SPON2: variants seen among roughly 807,000 people sequenced by gnomAD.
SPON2 encodes spondin-2.
SPON2 carries 32 observed loss-of-function variants against 29.9 expected under a neutral mutation model. That is an observed-to-expected ratio of 1.07 (90% CI 0.81 to 1.44). SPON2 has a LOEUF of 1.44. SPON2 is among the 40% of genes most tolerant of loss of function. SPON2 has a pLI of 0.00. For synonymous variants in SPON2, 248 were observed against 209.1 expected, an observed-to-expected ratio of 1.19 and a Z score of -1.61; for missense variants, 541 against 455.5, an observed-to-expected ratio of 1.19 and a Z score of -1.71.
At chr4:1,188,222 A>G (rs1036173436) in intron 1 of SPON2, among the ~76,000 whole-genome samples, 3 of 151,130 alleles carry the variant, frequency 2.0e-5, no homozygotes, top group Non-Finnish European at 4.4e-5. Context: ...AAAAAAAAAA[A>G]AAAAGAAATG....
chr4:1,194,241 G>A (rs539569650), intron 1 of SPON2, among the ~76,000 whole-genome samples: 9 of 152,280 alleles, frequency 5.9e-5, no homozygotes, highest in South Asian at 2.1e-4. Context: ...CGAGGTGTGC[G>A]GGCCTCTTCT....
intron 1 of SPON2, among the ~76,000 whole-genome samples, chr4:1,203,211 T>C (rs1228727141): frequency 6.6e-6 from 1 of 152,196 alleles, no homozygotes; most frequent in East Asian, 1.9e-4. Context: ...CTGAGGTGTT[T>C]TGTTACAGCA....
At position 1,167,655 on chromosome 4, in the gene SPON2, A is replaced by G; in HGVS notation, c.813T>C (p.Val271=). 6.2e-7 allele frequency: 1 copy of G among 1,600,986 alleles called. No individual in the cohort carries two copies. The highest frequency in any genetic ancestry group is 8.5e-7 in the Non-Finnish European group (1 of 1,172,534). Residue 271 remains valine, a splice_region_variant and synonymous_variant, in exon 6 of 6, where the codon GTT becomes GTC. Transcript: ENST00000290902. ...RDNEIVDSAS[V]PETPLDCEVS... ...CCTCGCAGTCCAGCGGCGTTTCTGG[A>G]ACTGGACCAAGCAAAGGGGAGACCG...
upstream of SPON2, among the ~76,000 whole-genome samples, chr4:1,173,832 G>A (rs1727534679): frequency 6.6e-6 from 1 of 152,186 alleles, no homozygotes; most frequent in African/African-American, 2.4e-5. Flanking sequence ...TAGACTCCAG[G>A]CCCCCAGGCC....
In SPON2 at chr4:1,167,500, G is replaced by GC; in HGVS notation, c.967dup (p.Ala323GlyfsTer2). 3.1e-6 allele frequency: 5 copies of GC among 1,613,754 alleles called. No homozygotes were observed. The highest frequency in any genetic ancestry group is 4.2e-6 in the Non-Finnish European group (5 of 1,179,974). On this transcript the variant is annotated frameshift_variant, in exon 6 of 6. Coordinates refer to ENST00000290902, the MANE Select transcript of SPON2 (RefSeq NM_012445.4). LOFTEE classifies it high-confidence loss of function. ...GACGCAGTTATCAGGGACGCACTCA[G>GC]CCTCTTCTTCGAGCTCGGGGCAGGG... is the stretch of plus-strand genomic sequence containing the variant.
At chr4:1,187,579 C>T (rs1448034287) in intron 1 of SPON2, among the ~76,000 whole-genome samples, 1 of 151,914 alleles carries the variant, frequency 6.6e-6, no homozygotes, top group Non-Finnish European at 1.5e-5. Context: ...TTTACTATAC[C>T]TTTTAAGGTG....
chr4:1,204,352 T>C (rs182811653), intron 1 of SPON2, among the ~76,000 whole-genome samples: 70 of 152,342 alleles, frequency 4.6e-4, no homozygotes, highest in Admixed American at 3.1e-3. Flanking sequence ...CTCAGCCTGA[T>C]GTGCAGGGGT....
At chr4:1,168,800 G>T (rs534019133) in intron 5 of SPON2, among the ~76,000 whole-genome samples, 2 of 152,236 alleles carry the variant, frequency 1.3e-5, no homozygotes, top group Non-Finnish European at 1.5e-5. Flanking sequence ...CCTGTCAGGA[G>T]GCCTGGGGAC....
chr4:1,189,971 C>T (rs1461095060), intron 1 of SPON2, among the ~76,000 whole-genome samples: 2 of 124,942 alleles, frequency 1.6e-5, no homozygotes, highest in East Asian at 4.6e-4. Context: ...GCCTGGGTGA[C>T]AGAGTGAGAC....
chr4:1,203,108 T>C (rs1728253665), intron 1 of SPON2, among the ~76,000 whole-genome samples: 1 of 152,178 alleles, frequency 6.6e-6, no homozygotes, highest in African/African-American at 2.4e-5. Flanking sequence ...GGAGCTGCCC[T>C]CAGCAGACCC....
chr4:1,197,925 G>A (rs1455359481), upstream of SPON2, among the ~76,000 whole-genome samples: 2 of 151,924 alleles, frequency 1.3e-5, no homozygotes, highest in Admixed American at 6.6e-5. Flanking sequence ...GTGCGTGCCC[G>A]TAGTCCCAGC....
At chr4:1,194,865 C>CCCACAGCCGGCGGCTCCAGCG (rs1560210454) in intron 1 of SPON2, 11 of 126,552 alleles carry the variant, frequency 8.7e-5, no homozygotes, top group African/African-American at 3.5e-4. Flanking sequence ...GAGGCCTCAC[C>CCCACAGCCGGCGGCTCCAGCG]CCACAGCCGG....
chr4:1,205,995 C>T (rs1256253903), intron 1 of SPON2, among the ~76,000 whole-genome samples: 1 of 152,120 alleles, frequency 6.6e-6, no homozygotes, highest in Non-Finnish European at 1.5e-5. Context: ...AGGCCCCCAA[C>T]CCTGACCAGG....
upstream of SPON2, among the ~76,000 whole-genome samples, chr4:1,176,181 A>G (rs1727589541): frequency 6.6e-6 from 1 of 151,960 alleles, no homozygotes; most frequent in Admixed American, 6.5e-5. Context: ...ATGCTCTCAG[A>G]GTCTTGCTGG....
At chr4:1,173,930 G>A (rs892542931), upstream of SPON2, among the ~76,000 whole-genome samples, 1 of 152,268 alleles carries the variant, frequency 6.6e-6, no homozygotes, top group South Asian at 2.1e-4. Context: ...GCCAGGCGCA[G>A]TGGCTCATGC....
At chr4:1,169,467 T>C (rs1727350340) in intron 5 of SPON2, among the ~76,000 whole-genome samples, 1 of 152,114 alleles carries the variant, frequency 6.6e-6, no homozygotes, top group African/African-American at 2.4e-5. Flanking sequence ...TGGGGAGTGG[T>C]TCCCGCCAGC....
chr4:1,170,596 G>A lies in SPON2; in HGVS notation c.637-20C>T, dbSNP rs756789440. 4 of 1,593,394 alleles carry A rather than the reference G, an allele frequency of 2.5e-6. No homozygotes were observed. In the African/African-American group the frequency reaches 4.1e-5, roughly 16 times the overall value. Reference sequence around the variant, plus strand: ...CGTTATCTGGGGAGGAAGAAGAGGAGGTTGGCCTGGGGTCCGAGAAGCCCA... The same window carrying A: ...CGTTATCTGGGGAGGAAGAAGAGGAAGTTGGCCTGGGGTCCGAGAAGCCCA... On this transcript the variant is annotated intron_variant, in intron 4 of 5. Transcript: ENST00000290902.
intron 1 of SPON2, chr4:1,201,169 GC>G: frequency 2.2e-6 from 1 of 453,264 alleles, no homozygotes; most frequent in Middle Eastern, 3.3e-4. Context: ...AAATGCAGGT[GC>G]CCCAGTTCCT....
Position 1,167,928 on chromosome 4 carries a change from G to A in SPON2, c.812-272C>T, listed in dbSNP as rs889760201. On this transcript the variant is annotated intron_variant, in intron 5 of 5. Coordinates refer to ENST00000290902, the MANE Select transcript of SPON2 (RefSeq NM_012445.4). ...CCTGTGGTGGTGGAACTCCCACATC[G>A]TGGCAGAGTAAGGGGCCCCTGGGAA... 2.8e-4 allele frequency: 113 copies of A among 400,696 alleles called. 2 individuals carry two copies. The Admixed American group carries it at 4.7e-3, about 17-fold the overall frequency. 24.8% of individuals were successfully genotyped at this position (400,696 alleles called of 1,614,324 possible).
Sources: allele counts gnomAD v4.1 joint callset (sites outside exome capture counted in the v4.1 genomes callset), GRCh38; gene constraint gnomAD v4.1.1; transcripts MANE v1.5; gene names NCBI Gene and HGNC (gene_info 2026-07-23, HGNC 2026-07-21).